ZNF875: variants seen among roughly 807,000 people sequenced by gnomAD.
The protein encoded by ZNF875 is HKR1, GLI-Kruppel zinc finger family member.
Under a neutral mutation model 11.2 loss-of-function variants are expected in ZNF875, and 14 were observed. The observed-to-expected ratio is 1.26, with a 90% confidence interval of 0.83 to 1.96. The LOEUF is 1.96. Ranked by LOEUF, ZNF875 falls within the 30% of genes most tolerant of loss-of-function variation. The pLI, the probability that ZNF875 is intolerant of heterozygous loss-of-function variation, is 0.00. For synonymous variants in ZNF875, 301 were observed against 281.1 expected, an observed-to-expected ratio of 1.07 and a Z score of -0.71; for missense variants, 752 against 760.4, an observed-to-expected ratio of 0.99 and a Z score of 0.13.
intron 4 of ZNF875, among the ~76,000 whole-genome samples, chr19:37,351,547 T>C (rs1225956891): frequency 6.6e-6 from 1 of 152,218 alleles, no homozygotes; most frequent in African/African-American, 2.4e-5. Flanking sequence ...TCTAATACAA[T>C]CACATATATA....
rs1437633488 is a variant in ZNF875 at position 37,347,867 on chromosome 19, GT to G, written c.252del (p.Pro85GlnfsTer15). On this transcript the variant is annotated frameshift_variant, in exon 4 of 5. Coordinates refer to ENST00000392153, the MANE Select transcript of ZNF875 (RefSeq NM_001353803.2). LOFTEE classifies it low-confidence loss of function (END_TRUNC). ...REERKCPLDL[C>X]PESKPEIQLS... Reference sequence around the variant, plus strand: ...GAGAGAAAATGTCCACTGGACCTCTGTCCAGGTGAGTGTTGAGTGTGGGGTA... The same window carrying G: ...GAGAGAAAATGTCCACTGGACCTCTGCCAGGTGAGTGTTGAGTGTGGGGTA... 3.2e-6 allele frequency: 5 copies of G among 1,581,888 alleles called. No homozygotes were observed. Among genetic ancestry groups the G allele is most frequent in the Non-Finnish European group, 3.5e-6 (4 of 1,150,756 alleles).
In ZNF875 at chr19:37,343,028, C is replaced by A. The variant is rs1252609084; in HGVS notation, c.34-4162C>A. On this transcript the variant is annotated intron_variant, in intron 2 of 4. Coordinates refer to ENST00000392153, the MANE Select transcript of ZNF875 (RefSeq NM_001353803.2). ...GCAGCACTTCACTTCTGTGTACCAACTTAGTGGCCTAAAGAACATAGCGGC... is the reference window on the plus strand; with the variant it reads ...GCAGCACTTCACTTCTGTGTACCAAATTAGTGGCCTAAAGAACATAGCGGC... Among the ~76,000 whole-genome samples the A allele has an allele frequency of 2.6e-5, 4 of 152,246 alleles. No homozygotes were observed. In the East Asian group the frequency reaches 7.8e-4, roughly 30 times the overall value.
At chr19:37,320,258 C>T (rs2031144658) in intron 1 of ZNF875, among the ~76,000 whole-genome samples, 1 of 152,230 alleles carries the variant, frequency 6.6e-6, no homozygotes, top group Non-Finnish European at 1.5e-5. Flanking sequence ...TTTCACATAC[C>T]TCTAGCCAAA....
intron 4 of ZNF875, among the ~76,000 whole-genome samples, chr19:37,348,636 AT>A (rs1041111562): frequency 6.6e-6 from 1 of 152,136 alleles, no homozygotes; most frequent in Non-Finnish European, 1.5e-5. Flanking sequence ...ATAATATTGT[AT>A]TTTATGCATA....
chr19:37,333,812 A>G (rs1599938780), upstream of ZNF875, among the ~76,000 whole-genome samples: 1 of 152,280 alleles, frequency 6.6e-6, no homozygotes, highest in East Asian at 1.9e-4. Flanking sequence ...CAAGATAAAC[A>G]ATATTTTAAT....
intron 4 of ZNF875, among the ~76,000 whole-genome samples, chr19:37,325,853 A>G (rs551409600): frequency 1.3e-5 from 2 of 152,124 alleles, no homozygotes; most frequent in African/African-American, 4.8e-5. Context: ...GACCACAAAC[A>G]TGTGCCACCA....
At chr19:37,355,142 GTA>G (rs915842221) in intron 4 of ZNF875, among the ~76,000 whole-genome samples, 3 of 151,268 alleles carry the variant, frequency 2.0e-5, no homozygotes, top group Non-Finnish European at 4.4e-5. Context: ...GTATGTATGT[GTA>G]TATGTATATG....
intron 4 of ZNF875, among the ~76,000 whole-genome samples, chr19:37,326,136 T>C (rs1224619755): frequency 1.3e-5 from 2 of 152,128 alleles, no homozygotes; most frequent in Non-Finnish European, 2.9e-5. Flanking sequence ...GCCACCACAC[T>C]GGCCCATTCT....
intron 2 of ZNF875, among the ~76,000 whole-genome samples, chr19:37,339,442 TTATATAGGTTTTTATTCTCA>T (rs1317982113): frequency 1.3e-5 from 2 of 152,154 alleles, no homozygotes; most frequent in African/African-American, 4.8e-5. Flanking sequence ...CATGAAATTC[TTATATAGGTTTTTATTCTCA>T]TACAAAATAT....
intron 4 of ZNF875, among the ~76,000 whole-genome samples, chr19:37,353,153 C>G (rs1033941465): frequency 6.6e-6 from 1 of 152,138 alleles, no homozygotes; most frequent in Non-Finnish European, 1.5e-5. Context: ...AGATTACAGG[C>G]GTGAGCCACC....
chr19:37,330,064 G>A (rs1056449376), upstream of ZNF875, among the ~76,000 whole-genome samples: 1 of 151,908 alleles, frequency 6.6e-6, no homozygotes, highest in Non-Finnish European at 1.5e-5. Context: ...CATATACATT[G>A]ATGAATTAGA....
In ZNF875 at chr19:37,363,413, C is replaced by T. The variant is rs746814247; in HGVS notation, c.1561C>T (p.Leu521Phe). ...CGRGFNDKST[L>F]ISHQRTHSGE... ...ACGAGGCTTTAATGATAAGTCCACC[C>T]TCATTTCACACCAGAGGACACATTC... Residue 521 changes from leucine to phenylalanine, a missense_variant, in exon 5 of 5, where the codon CTC becomes TTC. By Grantham distance (22) the Leu-to-Phe change is conservative. Transcript: ENST00000392153. 6.2e-7 allele frequency: 1 copy of T among 1,613,904 alleles called. No individual in the cohort carries two copies. The highest frequency in any genetic ancestry group is 1.3e-5 in the African/African-American group (1 of 74,876).
chr19:37,314,861 G>A, upstream of ZNF875: 1 of 151,736 alleles, frequency 6.6e-6, no homozygotes, highest in East Asian at 1.9e-4. Flanking sequence ...AAAAGACATA[G>A]GCACTATTTT....
At chr19:37,347,126 C>A in intron 2 of ZNF875, 64 bp from the exon 3 acceptor site, 2 of 1,610,222 alleles carry the variant, frequency 1.2e-6, no homozygotes, top group East Asian at 2.2e-5. Context: ...CTTGACCTCT[C>A]ATTCTAAAGT....
upstream of ZNF875, among the ~76,000 whole-genome samples, chr19:37,331,289 G>C (rs2033353807): frequency 1.4e-5 from 2 of 142,444 alleles, no homozygotes; most frequent in African/African-American, 2.6e-5. Context: ...GAGTGCAATG[G>C]CACAATCTTG....
intron 2 of ZNF875, among the ~76,000 whole-genome samples, chr19:37,340,796 C>T (rs886966535): frequency 6.6e-5 from 10 of 151,630 alleles, no homozygotes; most frequent in South Asian, 2.1e-4. Context: ...CTACAGGTGC[C>T]GACCACCACG....
intron 2 of ZNF875, among the ~76,000 whole-genome samples, chr19:37,336,044 TAA>T (rs1487257714): frequency 6.6e-6 from 1 of 152,048 alleles, no homozygotes; most frequent in African/African-American, 2.4e-5. Context: ...TAAATAAAAG[TAA>T]AGAGACATAC....
intron 2 of ZNF875, among the ~76,000 whole-genome samples, chr19:37,340,313 A>AATT (rs1262306001): frequency 2.6e-5 from 4 of 151,884 alleles, no homozygotes; most frequent in Non-Finnish European, 5.9e-5. Context: ...CTTTTATTTT[A>AATT]ATTATTACAC....
intron 1 of ZNF875, chr19:37,318,207 G>T (rs2030423174): frequency 6.5e-6 from 1 of 153,074 alleles, no homozygotes; most frequent in East Asian, 1.9e-4. Flanking sequence ...GACTTTTTCA[G>T]CCCACTCGGG....
Sources: gnomAD v4.1 joint callset for allele counts (sites outside exome capture counted in the v4.1 genomes callset) on GRCh38, gnomAD v4.1.1 for gene constraint, MANE v1.5 for transcripts, NCBI Gene and HGNC (gene_info 2026-07-23, HGNC 2026-07-21) for gene names.